EIF3B: variants seen among roughly 807,000 people sequenced by gnomAD.
EIF3B encodes eukaryotic translation initiation factor 3 subunit B.
Under a neutral mutation model 104.6 loss-of-function variants are expected in EIF3B, and 10 were observed. The ratio of observed to expected loss-of-function variants is 0.10; its 90% confidence interval spans 0.06 to 0.16. EIF3B has a LOEUF of 0.16. Among genes scored for constraint, EIF3B ranks in the 10% least tolerant of loss-of-function variants. The probability of loss-of-function intolerance (pLI) is 1.00; values close to 1 mark genes in which losing one functional copy is unlikely to be tolerated. For synonymous variants in EIF3B, 542 were observed against 417.2 expected (o/e 1.30, Z -3.65); for missense variants, 1,014 against 1,087.9 (o/e 0.93, Z 0.96).
intron 1 of EIF3B, among the ~76,000 whole-genome samples, chr7:2,355,888 C>G (rs146588199): frequency 6.6e-6 from 1 of 152,316 alleles, no homozygotes; most frequent in East Asian, 1.9e-4. Context: ...TCCTCCTGCC[C>G]CTCAGAATTG....
chr7:2,364,290 A>G, intron 5 of EIF3B, 82 bp from the exon 6 acceptor site: 4 of 1,306,366 alleles, frequency 3.1e-6, no homozygotes, highest in Non-Finnish European at 4.2e-6. Flanking sequence ...GAACAGATTC[A>G]TTGTAGGATA....
intron 9 of EIF3B, 51 bp from the exon 10 acceptor site, chr7:2,369,421 T>G: frequency 6.3e-7 from 1 of 1,580,436 alleles, no homozygotes; most frequent in South Asian, 1.1e-5. Flanking sequence ...TGCTTTTCAG[T>G]TTCGTCATCA....
At chr7:2,355,908 A>G (rs1039795986) in intron 1 of EIF3B, among the ~76,000 whole-genome samples, 4 of 152,220 alleles carry the variant, frequency 2.6e-5, no homozygotes, top group Admixed American at 6.5e-5. Context: ...GTCCATCTCC[A>G]GAGACTTCCT....
At chr7:2,354,150 G>C (rs1398736918), upstream of EIF3B, 1 of 152,340 alleles carries the variant, frequency 6.6e-6, no homozygotes, top group Non-Finnish European at 1.5e-5. Context: ...GTGAAAGCCC[G>C]AATGGGGGGA....
At chr7:2,354,507 C>T (rs983182627), upstream of EIF3B, among the ~76,000 whole-genome samples, 1 of 152,150 alleles carries the variant, frequency 6.6e-6, no homozygotes, top group African/African-American at 2.4e-5. Flanking sequence ...AAAATCATTT[C>T]TTGTCCCCGC....
Position 2,360,920 on chromosome 7 carries a change from G to A in EIF3B, c.692+18G>A. On this transcript the variant is annotated intron_variant, in intron 2 of 18. Transcript: ENST00000360876. ...ACAAAAGGGTGAGTGTTCTCCTGTTGGAGAAGTATCATCTGTGTCTGGCAC... is the reference window on the plus strand; with the variant it reads ...ACAAAAGGGTGAGTGTTCTCCTGTTAGAGAAGTATCATCTGTGTCTGGCAC... The A allele has an allele frequency of 6.3e-7, 1 of 1,586,940 alleles. No individual in the cohort carries two copies. The highest frequency in any genetic ancestry group is 8.6e-7 in the Non-Finnish European group (1 of 1,157,420).
Position 2,366,434 on chromosome 7 carries a change from T to C in EIF3B, c.1275T>C (p.His425=), listed in dbSNP as rs922516153. ...GTTTTCACTGTGAGAGCTCAGCCCATTGGCCTATTTTTAAGTAAGTGGACC... is the reference window on the plus strand; with the variant it reads ...GTTTTCACTGTGAGAGCTCAGCCCACTGGCCTATTTTTAAGTAAGTGGACC... ...KRGFHCESSA[H]WPIFKWSHDG... The change falls in exon 7 of 19, where the codon CAT becomes CAC. Residue 425 remains histidine (H), a synonymous_variant. Transcript: ENST00000360876. The C allele has an allele frequency of 1.9e-6, 3 of 1,613,928 alleles. No homozygotes were observed. Among genetic ancestry groups the C allele is most frequent in the African/African-American group, 2.7e-5 (2 of 74,894 alleles).
At position 2,367,841 on chromosome 7, in the gene EIF3B, T is replaced by A. The variant is rs1267659737; in HGVS notation, c.1403+796T>A. On this transcript the variant is annotated intron_variant, in intron 9 of 18. Transcript: ENST00000360876. ...TTTTTTAAAATTTTTTTTTTTTTTTTTTTTTTTTTTTTTTTTTTGAGGCAG... is the reference window on the plus strand; with the variant it reads ...TTTTTTAAAATTTTTTTTTTTTTTTATTTTTTTTTTTTTTTTTTGAGGCAG... 1.8e-4 allele frequency among the ~76,000 whole-genome samples: 23 copies of A among 125,692 alleles called. 1 individual carries two copies. The South Asian group carries it at 6.5e-3, about 35-fold the overall frequency. The allele number at this position is 125,692 out of a possible 152,430, so 82.5% of individuals were successfully genotyped here.
In EIF3B at chr7:2,355,251, G is replaced by A. The variant is rs1203799781; in HGVS notation, c.330G>A (p.Glu110=). The change falls in exon 1 of 19, where the codon GAG becomes GAA. Residue 110 remains glutamate, a synonymous_variant. Coordinates refer to ENST00000360876, the MANE Select transcript of EIF3B (RefSeq NM_001037283.2). ...PVPAQGEAPG[E]QARDERSDSR... is the part of the protein sequence containing the mutation. ...CGGCACAGGGCGAGGCCCCAGGAGA[G>A]CAGGCTCGGGACGAGCGCTCCGACA... The A allele has an allele frequency of 1.8e-5, 27 of 1,526,868 alleles. No homozygotes were observed. Among genetic ancestry groups the A allele is most frequent in the Non-Finnish European group, 2.3e-5 (26 of 1,143,886 alleles). 94.6% of individuals were successfully genotyped at this position (1,526,868 alleles called of 1,614,324 possible).
In EIF3B at chr7:2,377,015, C is replaced by T. The variant is rs1202221746; in HGVS notation, c.2094C>T (p.Arg698=). 6.2e-7 allele frequency: 1 copy of T among 1,613,896 alleles called. No individual in the cohort carries two copies. The highest frequency in any genetic ancestry group is 8.5e-7 in the Non-Finnish European group (1 of 1,180,022). ...TCCTGCAGAAGAACAACAAGGACCG[C>T]TTCTGCCAGCTGCTGTGGCGGCCCC... The part of the protein sequence containing the change: ...GRLLQKNNKD[R]FCQLLWRPRP... The change falls in exon 15 of 19, where the codon CGC becomes CGT. Residue 698 remains arginine, a synonymous_variant. Transcript: ENST00000360876.
chr7:2,378,960 G>C lies in EIF3B; in HGVS notation c.2233-174G>C, dbSNP rs566978790. The C allele has an allele frequency of 1.6e-4, 121 of 742,080 alleles. 2 individuals are homozygous for C. The South Asian group carries it at 2.1e-3, about 13-fold the overall frequency. 46.0% of individuals were successfully genotyped at this position (742,080 alleles called of 1,614,324 possible). On this transcript the variant is annotated intron_variant, in intron 16 of 18. Transcript: ENST00000360876. ...ACTTGGAGTTGGTGACCTCACTGCT[G>C]CCTTGTGGGTGGGGGGCAGCGTTGG... is the stretch of plus-strand genomic sequence containing the variant.
chr7:2,379,878 CTG>C (rs1161785932), intron 18 of EIF3B: 1 of 291,900 alleles, frequency 3.4e-6, no homozygotes, highest in Non-Finnish European at 6.6e-6. Context: ...ACGGCTGTGA[CTG>C]TGGTTTCAGC....
In EIF3B at chr7:2,374,239, CA is replaced by C. The variant is rs533427092; in HGVS notation, c.1811-288del. On this transcript the variant is annotated intron_variant, in intron 12 of 18. Transcript: ENST00000360876. The stretch of plus-strand genomic sequence containing the variant: ...CATCTCTCTGTTGGGGTCCCTGCAG[CA>C]GTGAACATTTGCTGTAAAGGGAATT... 31 of 321,560 alleles carry C rather than the reference CA, an allele frequency of 9.6e-5. No individual in the cohort carries two copies. The East Asian group carries it at 1.7e-3, about 17-fold the overall frequency. 19.9% of individuals were successfully genotyped at this position (321,560 alleles called of 1,614,324 possible). A position where few individuals can be genotyped will look rare whatever the true frequency, so the allele number is the denominator to read the frequency against.
intron 1 of EIF3B, among the ~76,000 whole-genome samples, chr7:2,357,152 AG>A (rs1207283745): frequency 7.2e-5 from 11 of 152,310 alleles, no homozygotes; most frequent in Non-Finnish European, 1.5e-4. Flanking sequence ...GCATTATTTG[AG>A]CCCATCGAAT....
At chr7:2,368,988 T>TTA (rs1364350374) in intron 9 of EIF3B, among the ~76,000 whole-genome samples, 1 of 152,264 alleles carries the variant, frequency 6.6e-6, no homozygotes, top group Non-Finnish European at 1.5e-5. Context: ...GAGCCGTTCG[T>TTA]TACAGCAGCT....
At chr7:2,367,825 ATTTTTTTTTTTTTTTT>A (rs71026506) in intron 9 of EIF3B, among the ~76,000 whole-genome samples, 3 of 60,298 alleles carry the variant, frequency 5.0e-5, no homozygotes, top group East Asian at 6.2e-4. Context: ...TTTTTTTAAA[ATTTTTTTTTTTTTTTT>A]TTTTTTTTTT....
intron 12 of EIF3B, 27 bp downstream of exon 12, chr7:2,372,822 C>T (rs1226029467): frequency 1.6e-5 from 26 of 1,609,826 alleles, no homozygotes; most frequent in Non-Finnish European, 2.1e-5. Context: ...CTTTCCTCTT[C>T]TGAGTAGGTC....
intron 10 of EIF3B, 53 bp downstream of exon 10, chr7:2,369,735 G>T: frequency 7.0e-6 from 10 of 1,431,282 alleles, no homozygotes; most frequent in Non-Finnish European, 9.8e-6. Context: ...CTCTGAAGTG[G>T]CCACCGTATT....
chr7:2,374,909 C>A (rs1050095921), intron 13 of EIF3B: 13 of 341,372 alleles, frequency 3.8e-5, no homozygotes, highest in Middle Eastern at 1.6e-3. Flanking sequence ...ATCCAGTAAC[C>A]TCCCCCCGGG....
Sources: gnomAD v4.1 joint callset for allele counts (sites outside exome capture counted in the v4.1 genomes callset) on GRCh38, gnomAD v4.1.1 for gene constraint, MANE v1.5 for transcripts, NCBI Gene and HGNC (gene_info 2026-07-23, HGNC 2026-07-21) for gene names.